Variants in CSMD1 observed in about 807,000 individuals in gnomAD.
The protein encoded by CSMD1 is CUB and Sushi multiple domains 1.
Under a neutral mutation model 417.5 loss-of-function variants are expected in CSMD1, and 213 were observed. That is an observed-to-expected ratio of 0.51 (90% CI 0.46 to 0.57). The LOEUF (loss-of-function observed/expected upper bound fraction) is 0.57. Ranked by LOEUF, CSMD1 falls within the 20% of genes least tolerant of loss-of-function variation. The probability of loss-of-function intolerance (pLI) is 0.00; values close to 1 mark genes in which losing one functional copy is unlikely to be tolerated. For synonymous variants in CSMD1, 2,862 were observed against 1,736.8 expected, an observed-to-expected ratio of 1.65 and a Z score of -16.11; for missense variants, 6,923 against 4,529.7, an observed-to-expected ratio of 1.53 and a Z score of -15.17.
intron 6 of CSMD1, among the ~76,000 whole-genome samples, chr8:3,752,045 C>G (rs1257077553): frequency 6.6e-6 from 1 of 152,116 alleles, no homozygotes; most frequent in Non-Finnish European, 1.5e-5. Context: ...CTCTACCAGA[C>G]CACATGGAGT....
chr8:3,448,327 GCA>G (rs1815441864), intron 12 of CSMD1, among the ~76,000 whole-genome samples: 1 of 33,568 alleles, frequency 3.0e-5, no homozygotes, highest in Admixed American at 3.4e-4. Context: ...AAGGAAGGGA[GCA>G]AGGGAGGGAG....
At chr8:3,945,483 A>G (rs1040648094) in intron 5 of CSMD1, among the ~76,000 whole-genome samples, 2 of 152,084 alleles carry the variant, frequency 1.3e-5, no homozygotes, top group East Asian at 1.9e-4. Flanking sequence ...TTACTCTTCA[A>G]CTGTGAACTT....
chr8:3,560,444 G>T (rs1293993264), intron 10 of CSMD1, among the ~76,000 whole-genome samples: 5 of 152,072 alleles, frequency 3.3e-5, no homozygotes, highest in Admixed American at 3.3e-4. Context: ...AGTCAAGATG[G>T]GATCCCAGGT....
At chr8:4,917,875 T>A (rs1313730469) in intron 1 of CSMD1, among the ~76,000 whole-genome samples, 2 of 152,098 alleles carry the variant, frequency 1.3e-5, no homozygotes, top group Non-Finnish European at 2.9e-5. Flanking sequence ...GAGATGGGCC[T>A]GGAAGGCTAG....
intron 8 of CSMD1, among the ~76,000 whole-genome samples, chr8:3,590,723 G>A (rs1189563840): frequency 6.6e-6 from 1 of 152,170 alleles, no homozygotes; most frequent in Non-Finnish European, 1.5e-5. Context: ...GGCAAACAGA[G>A]CCAATGTGGG....
At chr8:4,813,589 A>G (rs773700536) in intron 1 of CSMD1, among the ~76,000 whole-genome samples, 10 of 152,194 alleles carry the variant, frequency 6.6e-5, no homozygotes, top group Non-Finnish European at 1.5e-4. Flanking sequence ...TCAAAGTTCA[A>G]ATCTCTGGCA....
At chr8:3,936,848 G>C (rs1395685723) in intron 5 of CSMD1, among the ~76,000 whole-genome samples, 1 of 152,156 alleles carries the variant, frequency 6.6e-6, no homozygotes, top group African/African-American at 2.4e-5. Flanking sequence ...TGAGTCCATT[G>C]ATGGATCTAG....
In CSMD1 at chr8:4,890,294, G is replaced by A. The variant is rs955977428; in HGVS notation, c.85+104038C>T. On this transcript the variant is annotated intron_variant, in intron 1 of 69. Transcript: ENST00000635120. ...AGAAACGAGAAATGCAAATGTCTAC[G>A]AAGTAAGCTGAAAAGGAGAGAGAAC... Among the ~76,000 whole-genome samples, 16 of 152,136 alleles carry A rather than the reference G, an allele frequency of 1.1e-4. 1 individual carries two copies. The highest frequency in any genetic ancestry group is 2.4e-4 in the Non-Finnish European group (16 of 68,038).
At chr8:3,813,922 C>A (rs151314180) in intron 5 of CSMD1, among the ~76,000 whole-genome samples, 212 of 152,284 alleles carry the variant, frequency 1.4e-3, no homozygotes, top group Non-Finnish European at 2.2e-3. Context: ...CTTGTTAAGT[C>A]TGTTGCTTCT....
At chr8:4,529,443 G>C (rs532113906) in intron 2 of CSMD1, among the ~76,000 whole-genome samples, 8 of 152,024 alleles carry the variant, frequency 5.3e-5, no homozygotes, top group Non-Finnish European at 1.2e-4. Flanking sequence ...TTAAAAATAT[G>C]TTATTTCTTA....
Position 3,923,792 on chromosome 8 carries a change from GT to G in CSMD1, c.818+74110del, listed in dbSNP as rs1472547053. Among the ~76,000 whole-genome samples the G allele has an allele frequency of 1.3e-5, 2 of 152,056 alleles. 1 individual carries two copies. The highest frequency in any genetic ancestry group is 2.9e-5 in the Non-Finnish European group (2 of 68,028). ...TTTTCACCTTTTCACCAAGCTCATA[GT>G]TACCACTGTTCTACTCCCTGCGTCT... On this transcript the variant is annotated intron_variant, in intron 5 of 69. Coordinates refer to ENST00000635120, the MANE Select transcript of CSMD1 (RefSeq NM_033225.6).
intron 5 of CSMD1, among the ~76,000 whole-genome samples, chr8:3,797,317 A>T (rs1483451855): frequency 6.6e-6 from 1 of 151,962 alleles, no homozygotes; most frequent in African/African-American, 2.4e-5. Flanking sequence ...TTTGTTATAT[A>T]ATTCAATGAT....
intron 5 of CSMD1, among the ~76,000 whole-genome samples, chr8:3,955,119 C>A (rs1811853555): frequency 6.6e-6 from 1 of 152,202 alleles, no homozygotes; most frequent in African/African-American, 2.4e-5. Flanking sequence ...TCCTGCCCCC[C>A]TCATACCTAA....
At chr8:3,011,973 G>T (rs1270668442) in intron 52 of CSMD1, among the ~76,000 whole-genome samples, 1 of 152,200 alleles carries the variant, frequency 6.6e-6, no homozygotes, top group African/African-American at 2.4e-5. Flanking sequence ...TACCAGGTCA[G>T]CATTCTCAGT....
chr8:4,719,287 T>C (rs1418902945), intron 1 of CSMD1, among the ~76,000 whole-genome samples: 2 of 152,198 alleles, frequency 1.3e-5, no homozygotes, highest in South Asian at 4.1e-4. Context: ...ACAAAGTAGA[T>C]AAATAAATGA....
intron 3 of CSMD1, among the ~76,000 whole-genome samples, chr8:4,124,409 AT>A (rs11295945): frequency 0.99 from 150,586 of 152,168 alleles, 74,533 homozygotes; most frequent in East Asian, 1. Flanking sequence ...TTTGTATTTA[AT>A]TTTTTTCCCT....
intron 7 of CSMD1, among the ~76,000 whole-genome samples, chr8:3,701,200 T>C (rs1273688969): frequency 6.6e-6 from 1 of 152,084 alleles, no homozygotes; most frequent in African/African-American, 2.4e-5. Context: ...TTCTGGCCCG[T>C]AGAAGAGAAA....
chr8:4,458,702 G>A lies in CSMD1; in HGVS notation c.303-38637C>T, dbSNP rs376717182. On this transcript the variant is annotated intron_variant, in intron 2 of 69. Coordinates refer to ENST00000635120, the MANE Select transcript of CSMD1 (RefSeq NM_033225.6). ...AACCAAAACTGCAGCAAAATAATTA[G>A]ATTATTTCTTTATTAGTGGGAAAAA... is the stretch of plus-strand genomic sequence containing the variant. Among the ~76,000 whole-genome samples the A allele has an allele frequency of 2.0e-5, 3 of 152,176 alleles. No individual in the cohort carries two copies. In the East Asian group the frequency reaches 5.8e-4, roughly 29 times the overall value.
chr8:4,723,565 A>G (rs1809204031), intron 1 of CSMD1, among the ~76,000 whole-genome samples: 1 of 152,124 alleles, frequency 6.6e-6, no homozygotes, highest in Non-Finnish European at 1.5e-5. Context: ...GCTGAAAGTA[A>G]ATACCAAATA....
Sources: allele counts gnomAD v4.1 joint callset (sites outside exome capture counted in the v4.1 genomes callset), GRCh38; gene constraint gnomAD v4.1.1; transcripts MANE v1.5; gene names NCBI Gene and HGNC (gene_info 2026-07-23, HGNC 2026-07-21).